The following JAKMIP3 variants were observed in gnomAD, a reference collection of about 807,000 sequenced individuals.
JAKMIP3 encodes janus kinase and microtubule-interacting protein 3.
In JAKMIP3, 58 loss-of-function variants were observed where a neutral mutation model predicts 118.5. The observed-to-expected ratio is 0.49, with a 90% CI of 0.40 to 0.61. The LOEUF (loss-of-function observed/expected upper bound fraction) is 0.61. JAKMIP3 is among the 20% of genes least tolerant of loss of function. The pLI is 0.00. For synonymous variants in JAKMIP3, 486 were observed against 451.2 expected (o/e 1.08, Z -0.98); for missense variants, 950 against 1,109.0 (o/e 0.86, Z 2.04).
chr10:132,140,005 TCA>T (rs1802660423), intron 9 of JAKMIP3, among the ~76,000 whole-genome samples: 1 of 152,152 alleles, frequency 6.6e-6, no homozygotes, highest in South Asian at 2.1e-4. Flanking sequence ...GCAGGGCCTC[TCA>T]CACCAGCTGG....
At position 132,183,406 on chromosome 10, in the gene JAKMIP3, C is replaced by T. The variant is rs1020257274; in HGVS notation, c.*2153C>T. On this transcript the variant is annotated 3_prime_UTR_variant, in exon 24 of 24. Transcript: ENST00000684848. ...CTCACATTCCCAGATTCACATCCCT[C>T]ATGTTTATTTGGGTCATCATGGTTT... 5 of 152,220 alleles carry T rather than the reference C, an allele frequency of 3.3e-5. 1 individual carries two copies. Among genetic ancestry groups the T allele is most frequent in the Admixed American group, 2.0e-4 (3 of 15,278 alleles). The allele number at this position is 152,220 out of a possible 1,614,324, so 9.4% of individuals were successfully genotyped here.
At chr10:132,107,818 C>T (rs2046148275) in intron 2 of JAKMIP3, among the ~76,000 whole-genome samples, 1 of 152,240 alleles carries the variant, frequency 6.6e-6, no homozygotes, top group African/African-American at 2.4e-5. Flanking sequence ...GATACTGCAG[C>T]CCTGTACCTG....
rs373674808 is a variant in JAKMIP3, at chr10:132,104,859, C to A, written c.51C>A (p.Ala17=). Residue 17 remains alanine (A), a synonymous_variant, in exon 2 of 24, where the codon GCC becomes GCA. Coordinates refer to ENST00000684848, the MANE Select transcript of JAKMIP3 (RefSeq NM_001323087.2). The part of the protein sequence containing the change: ...SSRAKGDKAE[A]LAALQAANED... The stretch of plus-strand genomic sequence containing the variant: ...GGGCCAAGGGGGACAAGGCAGAGGC[C>A]CTCGCGGCGCTGCAGGCGGCCAACG... 6.4e-7 allele frequency: 1 copy of A among 1,558,374 alleles called. No individual in the cohort carries two copies. Among genetic ancestry groups the A allele is most frequent in the Admixed American group, 1.9e-5 (1 of 51,760 alleles).
At chr10:132,114,367 A>T (rs981237727) in intron 2 of JAKMIP3, among the ~76,000 whole-genome samples, 1 of 152,170 alleles carries the variant, frequency 6.6e-6, no homozygotes, top group African/African-American at 2.4e-5. Context: ...GGCGTGCATC[A>T]CTGCACCTGG....
chr10:132,182,762 A>G lies in JAKMIP3; in HGVS notation c.*1509A>G, dbSNP rs2061599353. 6.6e-6 allele frequency: 1 copy of G among 152,146 alleles called. No homozygotes were observed. Among genetic ancestry groups the G allele is most frequent in the Non-Finnish European group, 1.5e-5 (1 of 68,020 alleles). 9.4% of individuals were successfully genotyped at this position (152,146 alleles called of 1,614,324 possible). A position where few individuals can be genotyped will look rare whatever the true frequency, so the allele number is the denominator to read the frequency against. On this transcript the variant is annotated 3_prime_UTR_variant, in exon 24 of 24. Coordinates refer to ENST00000684848, the MANE Select transcript of JAKMIP3 (RefSeq NM_001323087.2). ...TGTCTGGAAGTATTAGGCTCATTTT[A>G]TATTTGTGTCAGAAGAAATGTCTGA...
upstream of JAKMIP3, among the ~76,000 whole-genome samples, chr10:132,060,943 C>T (rs2038374019): frequency 6.6e-6 from 1 of 152,044 alleles, no homozygotes; most frequent in Admixed American, 6.6e-5. Flanking sequence ...TCGCTTGAAC[C>T]AGGGGTGGTG....
chr10:132,042,625 C>T (rs1397428731), intron 1 of JAKMIP3, among the ~76,000 whole-genome samples: 2 of 152,132 alleles, frequency 1.3e-5, no homozygotes, highest in African/African-American at 2.4e-5. Flanking sequence ...CCAGGGACTG[C>T]GTGGGGAGAG....
Position 132,117,473 on chromosome 10 carries a change from G to A in JAKMIP3, c.532G>A (p.Ala178Thr). The A allele has an allele frequency of 6.2e-7, 1 of 1,613,828 alleles. No individual in the cohort carries two copies. Among genetic ancestry groups the A allele is most frequent in the Non-Finnish European group, 8.5e-7 (1 of 1,179,868 alleles). The stretch of plus-strand genomic sequence containing the variant: ...GGAGGCGCTGACGCTGGTGATCCAA[G>A]CGGACAAGATCAAGGCCGCAGAGAT... ...VEEALTLVIQ[A>T]DKIKAAEIRS... Residue 178 changes from alanine (A) to threonine (T), a missense_variant, in exon 3 of 24, where the codon GCG becomes ACG. By Grantham distance (58) the Ala-to-Thr change is moderately conservative. Transcript: ENST00000684848. The surrounding 1 kb of genome is among the most constrained non-coding windows in gnomAD (Gnocchi z 8.6).
chr10:132,161,076 G>GC (rs2058180924), intron 19 of JAKMIP3, among the ~76,000 whole-genome samples: 1 of 108,516 alleles, frequency 9.2e-6, no homozygotes, highest in Non-Finnish European at 1.9e-5. Context: ...TGTGATGCTG[G>GC]GGGGGCCTCT....
intron 20 of JAKMIP3, 58 bp from the exon 21 acceptor site, chr10:132,164,612 G>T (rs940691252): frequency 1.8e-6 from 2 of 1,119,008 alleles, no homozygotes; most frequent in Non-Finnish European, 2.7e-6. Flanking sequence ...AATCTTGAAG[G>T]ATTTGGGTTT....
At chr10:132,111,822 T>G (rs2046932097) in intron 2 of JAKMIP3, among the ~76,000 whole-genome samples, 1 of 152,120 alleles carries the variant, frequency 6.6e-6, no homozygotes, top group Admixed American at 6.6e-5. Flanking sequence ...AAACATACCC[T>G]CTGGCTGCTG....
intron 14 of JAKMIP3, 65 bp from the exon 15 acceptor site, chr10:132,149,347 G>A: frequency 1.8e-6 from 2 of 1,112,376 alleles, no homozygotes; most frequent in Non-Finnish European, 2.6e-6. Context: ...TCAGGCCCCA[G>A]CACAGTCCTC....
intron 13 of JAKMIP3, among the ~76,000 whole-genome samples, chr10:132,147,061 T>C (rs1277193515): frequency 6.6e-6 from 1 of 152,226 alleles, no homozygotes; most frequent in Non-Finnish European, 1.5e-5. Flanking sequence ...CACATGCGCA[T>C]GTGCACACTT....
chr10:132,122,178 C>T (rs907467713), intron 3 of JAKMIP3, among the ~76,000 whole-genome samples: 26 of 152,350 alleles, frequency 1.7e-4, no homozygotes, highest in African/African-American at 5.1e-4. Context: ...CCTCCCCAGC[C>T]CCCCTGGTCG....
chr10:132,145,777 G>T (rs149552782), intron 13 of JAKMIP3, among the ~76,000 whole-genome samples, 197 bp downstream of exon 13: 3 of 152,214 alleles, frequency 2.0e-5, no homozygotes, highest in Non-Finnish European at 4.4e-5. Flanking sequence ...AGAGGGAGCT[G>T]GGGCCTGTTC....
rs1472108987 is a variant in JAKMIP3 at position 132,179,727 on chromosome 10, GCACCACAGCAGGGTCA to G, written c.*1104-2628_*1104-2613del. 6.7e-6 allele frequency among the ~76,000 whole-genome samples: 1 copy of G among 150,198 alleles called. No homozygotes were observed. Among genetic ancestry groups the G allele is most frequent in the Non-Finnish European group, 1.5e-5 (1 of 67,892 alleles). ...AGCAGGGCCACACCACGGCAGGGTCGCACCACAGCAGGGTCACGCCACGGCAGGGTCACACCACAAC... is the reference window on the plus strand; with the variant it reads ...AGCAGGGCCACACCACGGCAGGGTCGCGCCACGGCAGGGTCACACCACAAC... On this transcript the variant is annotated intron_variant, in intron 23 of 23. Transcript: ENST00000684848. The surrounding 1 kb of genome is among the most constrained non-coding windows in gnomAD (Gnocchi z 4.3).
At chr10:132,153,611 C>T in intron 17 of JAKMIP3, 148 bp from the exon 18 acceptor site, 2 of 761,372 alleles carry the variant, frequency 2.6e-6, no homozygotes, top group South Asian at 1.6e-5. Context: ...AGCGCAGCCT[C>T]AACTCCCTGG....
intron 5 of JAKMIP3, 109 bp from the exon 6 acceptor site, chr10:132,135,821 G>A: frequency 8.4e-7 from 1 of 1,186,264 alleles, no homozygotes; most frequent in Non-Finnish European, 1.2e-6. Flanking sequence ...GTAGAGGGCT[G>A]GGGACTGCGT....
At chr10:132,063,751 T>C (rs2038490905), upstream of JAKMIP3, among the ~76,000 whole-genome samples, 1 of 152,252 alleles carries the variant, frequency 6.6e-6, no homozygotes, top group Non-Finnish European at 1.5e-5. Flanking sequence ...TAGATGTTTT[T>C]TCTGATTCTA....
Sources: gnomAD v4.1 joint callset for allele counts (sites outside exome capture counted in the v4.1 genomes callset) on GRCh38, gnomAD v4.1.1 for gene constraint, Gnocchi (gnomAD v3.1) non-coding constraint, MANE v1.5 for transcripts, NCBI Gene and HGNC (gene_info 2026-07-23, HGNC 2026-07-21) for gene names.